The following VPS13B variants were observed in gnomAD, a reference collection of about 807,000 sequenced individuals.
VPS13B encodes the protein vacuolar protein sorting 13 homolog B.
Under a neutral mutation model 426.4 loss-of-function variants are expected in VPS13B, and 285 were observed. The ratio of observed to expected loss-of-function variants is 0.67; its 90% CI spans 0.61 to 0.74. The LOEUF is 0.74. Among genes scored for constraint, VPS13B ranks in the 30% least tolerant of loss-of-function variants. VPS13B has a pLI of 0.00. For synonymous variants in VPS13B, 1,676 were observed against 1,676.4 expected (o/e 1.00, Z 0.01); for missense variants, 4,537 against 4,782.6 (o/e 0.95, Z 1.51).
chr8:99,087,264 G>T (rs1180300390), intron 3 of VPS13B, among the ~76,000 whole-genome samples: 1 of 152,184 alleles, frequency 6.6e-6, no homozygotes, highest in Non-Finnish European at 1.5e-5. Context: ...GCCATGTGCG[G>T]GATTTAATCT....
At chr8:99,162,840 T>G (rs1006328732) in intron 15 of VPS13B, among the ~76,000 whole-genome samples, 1 of 152,164 alleles carries the variant, frequency 6.6e-6, no homozygotes, top group Non-Finnish European at 1.5e-5. Flanking sequence ...CAATGCTGGC[T>G]CGGGCAGCCT....
At chr8:99,323,847 G>A (rs966814185) in intron 19 of VPS13B, among the ~76,000 whole-genome samples, 4 of 152,280 alleles carry the variant, frequency 2.6e-5, no homozygotes, top group African/African-American at 9.6e-5. Flanking sequence ...CTGCTTTATA[G>A]AGTTAGTGAT....
chr8:99,236,490 T>C (rs1816660328), intron 17 of VPS13B, among the ~76,000 whole-genome samples: 1 of 152,184 alleles, frequency 6.6e-6, no homozygotes, highest in South Asian at 2.1e-4. Flanking sequence ...CCTCAAGTGA[T>C]CCACCTCCTT....
chr8:99,074,324 TG>T (rs1043180709), intron 3 of VPS13B, among the ~76,000 whole-genome samples: 1 of 152,158 alleles, frequency 6.6e-6, no homozygotes, highest in Non-Finnish European at 1.5e-5. Context: ...ATATGGTTTT[TG>T]TCTTGATTCT....
chr8:99,776,973 C>A lies in VPS13B; in HGVS notation c.7429+17C>A. The A allele has an allele frequency of 1.2e-6, 2 of 1,610,490 alleles. No individual in the cohort carries two copies. Among genetic ancestry groups the A allele is most frequent in the South Asian group, 2.2e-5 (2 of 91,006 alleles). On this transcript the variant is annotated intron_variant, in intron 41 of 61. Coordinates refer to ENST00000357162, the MANE Select transcript of VPS13B (RefSeq NM_152564.5). Reference sequence around the variant, plus strand: ...TAGGCACAGGTACTCTTTTTTTTAGCATCAGAATAACATCCATTTAATACT... The same window carrying A: ...TAGGCACAGGTACTCTTTTTTTTAGAATCAGAATAACATCCATTTAATACT...
intron 3 of VPS13B, among the ~76,000 whole-genome samples, chr8:99,068,877 C>T (rs1844699461): frequency 6.6e-6 from 1 of 152,166 alleles, no homozygotes; most frequent in Non-Finnish European, 1.5e-5. Flanking sequence ...TGGGTTGGTA[C>T]ACAGAGCCAA....
At chr8:99,266,789 G>T (rs896939434) in intron 17 of VPS13B, among the ~76,000 whole-genome samples, 4 of 152,134 alleles carry the variant, frequency 2.6e-5, no homozygotes, top group African/African-American at 9.7e-5. Flanking sequence ...TCTCCCTCCT[G>T]CTGCATTGTG....
intron 33 of VPS13B, among the ~76,000 whole-genome samples, chr8:99,624,350 T>C (rs985900004): frequency 2.6e-5 from 4 of 152,124 alleles, no homozygotes; most frequent in African/African-American, 7.2e-5. Context: ...GTAAAAATAT[T>C]TGATTTAGAC....
At chr8:99,306,917 A>G (rs932896670) in intron 19 of VPS13B, among the ~76,000 whole-genome samples, 1 of 152,116 alleles carries the variant, frequency 6.6e-6, no homozygotes, top group Non-Finnish European at 1.5e-5. Flanking sequence ...TTTAAAGAAA[A>G]GTGAGGCAGA....
rs1817678736 is a variant in VPS13B, at chr8:99,875,931, A to C, written c.*265A>C. The C allele has an allele frequency of 2.0e-6, 1 of 505,904 alleles. No homozygotes were observed. Among genetic ancestry groups the C allele is most frequent in the African/African-American group, 1.9e-5 (1 of 51,960 alleles). 31.3% of individuals were successfully genotyped at this position (505,904 alleles called of 1,614,324 possible). A position where few individuals can be genotyped will look rare whatever the true frequency, so the allele number is the denominator to read the frequency against. On this transcript the variant is annotated 3_prime_UTR_variant, in exon 62 of 62. Transcript: ENST00000357162. ...CACAAGGCCAACAGTTTCCTTATTT[A>C]CATCCTTACCTCTAAAAGATACTTC...
intron 31 of VPS13B, among the ~76,000 whole-genome samples, chr8:99,557,834 C>T: frequency 6.6e-6 from 1 of 152,112 alleles, no homozygotes; most frequent in East Asian, 1.9e-4. Flanking sequence ...GAATCATTTG[C>T]TAGAAAGGCG....
At chr8:99,373,094 C>T (rs907410204) in intron 19 of VPS13B, among the ~76,000 whole-genome samples, 7 of 152,130 alleles carry the variant, frequency 4.6e-5, no homozygotes, top group Admixed American at 1.3e-4. Flanking sequence ...TATTCTCACT[C>T]ATAAGTGGGA....
intron 43 of VPS13B, among the ~76,000 whole-genome samples, chr8:99,795,301 C>A (rs1812750644): frequency 6.6e-6 from 1 of 152,174 alleles, no homozygotes; most frequent in Admixed American, 6.5e-5. Context: ...GATCCCCTTT[C>A]CACCCATGTC....
At chr8:99,270,157 T>TTTTTTTTTTTTTTTTTTA (rs1491533254) in intron 17 of VPS13B, among the ~76,000 whole-genome samples, 1 of 133,676 alleles carries the variant, frequency 7.5e-6, no homozygotes, top group African/African-American at 2.9e-5. Flanking sequence ...TTTTTTTTTT[T>TTTTTTTTTTTTTTTTTTA]GAGACAGAGT....
At chr8:99,196,560 T>C (rs1250767668) in intron 17 of VPS13B, among the ~76,000 whole-genome samples, 1 of 149,590 alleles carries the variant, frequency 6.7e-6, no homozygotes, top group East Asian at 2.0e-4. Flanking sequence ...CTCCACCTCC[T>C]GGGTTTGTAA....
intron 3 of VPS13B, among the ~76,000 whole-genome samples, chr8:99,063,158 A>G (rs1844284552): frequency 6.6e-6 from 1 of 152,242 alleles, no homozygotes; most frequent in South Asian, 2.1e-4. Flanking sequence ...TGATTGACAC[A>G]GAAGACGGGT....
chr8:99,203,039 A>C, intron 17 of VPS13B, among the ~76,000 whole-genome samples: 1 of 68,464 alleles, frequency 1.5e-5, no homozygotes, highest in East Asian at 2.9e-4. Flanking sequence ...ACGGAGCGAG[A>C]CTGTCTCAAA....
At chr8:99,629,553 C>T (rs1163536409) in intron 33 of VPS13B, among the ~76,000 whole-genome samples, 2 of 152,142 alleles carry the variant, frequency 1.3e-5, no homozygotes, top group Non-Finnish European at 1.5e-5. Flanking sequence ...GAGAAGGCCT[C>T]TCGGAGGAAA....
At chr8:99,299,052 CTTTTTTTTTTTT>C (rs11302301) in intron 19 of VPS13B, among the ~76,000 whole-genome samples, 11 of 55,052 alleles carry the variant, frequency 2.0e-4, no homozygotes, top group South Asian at 1.7e-3. Context: ...TATTCCACCA[CTTTTTTTTTTTT>C]TTTTTTTTTT....
Sources: gnomAD v4.1 joint callset for allele counts (sites outside exome capture counted in the v4.1 genomes callset) on GRCh38, gnomAD v4.1.1 for gene constraint, MANE v1.5 for transcripts, NCBI Gene and HGNC (gene_info 2026-07-23, HGNC 2026-07-21) for gene names.